The following TENM1 variants were observed in gnomAD, a reference collection of about 807,000 sequenced individuals.
TENM1 encodes the protein teneurin transmembrane protein 1.
In TENM1, 35 loss-of-function variants were observed where a neutral mutation model predicts 174.8. That is an observed-to-expected ratio of 0.20 (90% confidence interval 0.15 to 0.27). The LOEUF (loss-of-function observed/expected upper bound fraction) is 0.27. Among genes scored for constraint, TENM1 ranks in the 10% least tolerant of loss-of-function variants. The probability of loss-of-function intolerance (pLI) is 1.00; values close to 1 mark genes in which losing one functional copy is unlikely to be tolerated. For synonymous variants in TENM1, 781 were observed against 798.7 expected (o/e 0.98, Z 0.37); for missense variants, 1,633 against 2,130.1 (o/e 0.77, Z 4.59).
the TENM1 span, among the ~76,000 whole-genome samples, chrX:125,060,177 TCTCTCA>T: frequency 1.2e-5 from 1 of 82,558 alleles, no homozygotes; most frequent in African/African-American, 7.5e-5. Flanking sequence ...TCTCTCTCTC[TCTCTCA>T]CACACACACA....
chrX:124,403,557 C>T (rs1603252732), intron 27 of TENM1, among the ~76,000 whole-genome samples: 1 of 108,703 alleles, frequency 9.2e-6, no homozygotes, highest in Admixed American at 9.8e-5. Context: ...AAAGTGAGCA[C>T]TGCTGTAGAT....
chrX:125,147,048 G>T, the TENM1 span, among the ~76,000 whole-genome samples: 3 of 107,411 alleles, frequency 2.8e-5, no homozygotes, highest in African/African-American at 1.0e-4. Flanking sequence ...ACATGTGTCT[G>T]TGTGTGTATA....
At position 124,755,057 on chromosome X, in the gene TENM1, C is replaced by G. The variant is rs1212156368; in HGVS notation, c.536-17860G>C. ...CTGGGTATCCTTGTTAACTTTCTGT[C>G]TCGTTGATCTGTCTAATGTTGACAG... On this transcript the variant is annotated intron_variant, in intron 3 of 31. Coordinates refer to ENST00000422452, the Ensembl canonical transcript of TENM1. 3.0e-5 allele frequency among the ~76,000 whole-genome samples: 3 copies of G among 100,819 alleles called. No individual in the cohort carries two copies. In the South Asian group the frequency reaches 1.4e-3, roughly 46 times the overall value. The allele number at this position is 100,819 out of a possible 115,157, so 87.5% of individuals were successfully genotyped here. A position where few individuals can be genotyped will look rare whatever the true frequency, so the allele number is the denominator to read the frequency against.
At chrX:124,631,888 C>CAAA (rs1207149583) in intron 11 of TENM1, among the ~76,000 whole-genome samples, 2 of 29,680 alleles carry the variant, frequency 6.7e-5, no homozygotes, top group African/African-American at 2.5e-4. Context: ...GACTCTGTCT[C>CAAA]AAAAAAAAAA....
At chrX:124,379,664 G>C (rs1354206181) in exon 32 of TENM1, 1 of 112,193 alleles carries the variant, frequency 8.9e-6, no homozygotes, top group Non-Finnish European at 1.9e-5. Context: ...CATTGGGTCA[G>C]TGTATAGATA....
In TENM1 at chrX:124,756,867, G is replaced by C. The variant is rs1318680119; in HGVS notation, c.536-19670C>G. ...CCTCTGGAAGTTTTGTCTCAGAGGA[G>C]TACCCGGCCGTGTGAGGTGTCAGTG... On this transcript the variant is annotated intron_variant, in intron 3 of 31. Coordinates refer to ENST00000422452, the Ensembl canonical transcript of TENM1. Among the ~76,000 whole-genome samples the C allele has an allele frequency of 2.7e-5, 3 of 110,574 alleles. No homozygotes were observed. In the East Asian group the frequency reaches 8.5e-4, roughly 31 times the overall value.
At chrX:124,708,637 G>A (rs2052968743) in intron 4 of TENM1, among the ~76,000 whole-genome samples, 1 of 111,097 alleles carries the variant, frequency 9.0e-6, no homozygotes, top group South Asian at 3.8e-4. Context: ...GCAAATGACT[G>A]TCTATTCACT....
At chrX:124,630,808 T>C (rs988905053) in intron 11 of TENM1, among the ~76,000 whole-genome samples, 3 of 112,012 alleles carry the variant, frequency 2.7e-5, no homozygotes, top group African/African-American at 9.8e-5. Context: ...TGATCTGTCT[T>C]AGTCTTGGGT....
chrX:124,694,207 T>C (rs1487284130), intron 5 of TENM1, among the ~76,000 whole-genome samples: 1 of 111,764 alleles, frequency 8.9e-6, no homozygotes, highest in Non-Finnish European at 1.9e-5. Flanking sequence ...TCAGTAGCCA[T>C]TGCTCTCATA....
chrX:124,562,399 C>T (rs925063116), intron 13 of TENM1, among the ~76,000 whole-genome samples: 8 of 111,869 alleles, frequency 7.2e-5, no homozygotes, highest in Admixed American at 3.8e-4. Context: ...TATTCATCTG[C>T]GGGCTAACGA....
intron 3 of TENM1, among the ~76,000 whole-genome samples, chrX:124,812,589 C>G (rs2055807651): frequency 9.0e-6 from 1 of 110,656 alleles, no homozygotes; most frequent in Admixed American, 9.6e-5. Context: ...AAATCAGAAA[C>G]AGAGATCACA....
chrX:124,701,403 T>C (rs16999383), intron 5 of TENM1, among the ~76,000 whole-genome samples: 2 of 111,511 alleles, frequency 1.8e-5, no homozygotes, highest in Non-Finnish European at 3.8e-5. Flanking sequence ...ACATCAAAGA[T>C]TGCCAGAGAA....
the TENM1 span, among the ~76,000 whole-genome samples, chrX:125,048,633 G>C: frequency 1.7e-3 from 184 of 111,160 alleles, no homozygotes; most frequent in Non-Finnish European, 2.2e-3. Flanking sequence ...ACTGGGTGAA[G>C]GTTGTTAGTA....
At chrX:124,540,201 A>T (rs1334577820) in intron 15 of TENM1, among the ~76,000 whole-genome samples, 4 of 112,311 alleles carry the variant, frequency 3.6e-5, no homozygotes, top group Non-Finnish European at 5.6e-5. Flanking sequence ...GTGTATCTCC[A>T]TCTGCACAGT....
intron 15 of TENM1, among the ~76,000 whole-genome samples, chrX:124,544,597 T>C (rs1390958073): frequency 8.9e-6 from 1 of 112,504 alleles, no homozygotes; most frequent in Non-Finnish European, 1.9e-5. Flanking sequence ...TTGAAGTTTG[T>C]AAATGATGTC....
At chrX:124,966,575 T>A (rs1171381583), upstream of TENM1, among the ~76,000 whole-genome samples, 2 of 103,558 alleles carry the variant, frequency 1.9e-5, 1 homozygote, top group African/African-American at 7.4e-5. Context: ...GGCAGGAGAA[T>A]GGCGTGAACC....
chrX:124,893,998 C>T (rs2057518320), intron 3 of TENM1, among the ~76,000 whole-genome samples: 1 of 111,402 alleles, frequency 9.0e-6, no homozygotes. Context: ...CCAAATCCAA[C>T]CCAACCTGAT....
intron 11 of TENM1, among the ~76,000 whole-genome samples, chrX:124,629,742 C>A (rs1225554288): frequency 3.6e-5 from 4 of 112,143 alleles, no homozygotes; most frequent in African/African-American, 9.7e-5. Context: ...TTTTTCCATG[C>A]TGAATCTCTG....
chrX:124,950,294 C>A (rs762655045), intron 1 of TENM1, among the ~76,000 whole-genome samples: 1 of 111,846 alleles, frequency 8.9e-6, no homozygotes, highest in Admixed American at 9.5e-5. Flanking sequence ...AAACAATCAA[C>A]TTTTTAATTC....
Sources: allele counts gnomAD v4.1 joint callset (sites outside exome capture counted in the v4.1 genomes callset), GRCh38; gene constraint gnomAD v4.1.1; transcripts MANE v1.5; gene names NCBI Gene and HGNC (gene_info 2026-07-23, HGNC 2026-07-21).